The following ABCA13 variants were observed in gnomAD, a reference collection of about 807,000 sequenced individuals.
The protein encoded by ABCA13 is ATP binding cassette subfamily A member 13.
In ABCA13, 476 loss-of-function variants were observed where a neutral mutation model predicts 478.7. That is an observed-to-expected ratio of 0.99 (90% CI 0.92 to 1.07). The LOEUF is 1.07. Ranked by LOEUF, ABCA13 falls within the 50% of genes least tolerant of loss-of-function variation. ABCA13 has a pLI of 0.00. For synonymous variants in ABCA13, 2,252 were observed against 2,158.9 expected (o/e 1.04, Z -1.20); for missense variants, 6,060 against 5,910.6 (o/e 1.03, Z -0.83).
In ABCA13 at chr7:48,240,861, T is replaced by C; in HGVS notation, c.1063-6T>C. 1 of 1,500,136 alleles carries C rather than the reference T, an allele frequency of 6.7e-7. No individual in the cohort carries two copies. Among genetic ancestry groups the C allele is most frequent in the Non-Finnish European group, 8.9e-7 (1 of 1,122,824 alleles). 92.9% of individuals were successfully genotyped at this position (1,500,136 alleles called of 1,614,324 possible). ...AATGCTAGTATTTTGGTTTCCGAATTTGTAGGTGTTTGTTCAGTGGCAACA... is the reference window on the plus strand; with the variant it reads ...AATGCTAGTATTTTGGTTTCCGAATCTGTAGGTGTTTGTTCAGTGGCAACA... On this transcript the variant is annotated splice_polypyrimidine_tract_variant and splice_region_variant and intron_variant, in intron 9 of 61. Transcript: ENST00000435803.
At chr7:48,614,770 T>C (rs1792382994) in intron 58 of ABCA13, among the ~76,000 whole-genome samples, 1 of 149,202 alleles carries the variant, frequency 6.7e-6, no homozygotes, top group Admixed American at 6.9e-5. Flanking sequence ...TCATTCTGAG[T>C]AAACTATCGC....
At position 48,241,072 on chromosome 7, in the gene ABCA13, T is replaced by A. The variant is rs1790759762; in HGVS notation, c.1262+6T>A. ...AATCATACATTTCCAAAGATGTAAG[T>A]CGCATTTCCCTGTTTGATTATTGAT... On this transcript the variant is annotated splice_donor_region_variant and intron_variant, in intron 10 of 61. Coordinates refer to ENST00000435803, the MANE Select transcript of ABCA13 (RefSeq NM_152701.5). 2 of 1,613,770 alleles carry A rather than the reference T, an allele frequency of 1.2e-6. No homozygotes were observed.
intron 31 of ABCA13, among the ~76,000 whole-genome samples, chr7:48,355,933 G>A (rs749750680): frequency 6.6e-6 from 1 of 151,836 alleles, no homozygotes; most frequent in Non-Finnish European, 1.5e-5. Context: ...TAATTTAGGA[G>A]TCTCCCCGAT....
intron 59 of ABCA13, among the ~76,000 whole-genome samples, chr7:48,619,136 G>T (rs1244060661): frequency 6.6e-6 from 1 of 152,146 alleles, no homozygotes; most frequent in Non-Finnish European, 1.5e-5. Context: ...CTCTTCCTTG[G>T]TACAGACTTT....
intron 45 of ABCA13, among the ~76,000 whole-genome samples, chr7:48,477,338 C>T (rs1393901124): frequency 2.6e-5 from 4 of 152,076 alleles, no homozygotes; most frequent in Non-Finnish European, 4.4e-5. Context: ...ATGGCGATTC[C>T]TCAGGGATCT....
At chr7:48,312,917 T>A in intron 24 of ABCA13, 150 bp from the exon 25 acceptor site, 1 of 708,674 alleles carries the variant, frequency 1.4e-6, no homozygotes. Context: ...CTAATGAAGA[T>A]AACTTTCATA....
At chr7:48,423,038 T>C (rs1461250443) in intron 41 of ABCA13, among the ~76,000 whole-genome samples, 1 of 152,208 alleles carries the variant, frequency 6.6e-6, no homozygotes. Context: ...CTAAATACAT[T>C]GTCTTAAGCC....
chr7:48,232,139 A>AT lies in ABCA13; in HGVS notation c.764-1854dup, dbSNP rs71006559. ...CTCAGCACAGTGAGACCCACATGGAATTTTTTTTTTTTTTTTTTTTTTTTT... is the reference window on the plus strand; with the variant it reads ...CTCAGCACAGTGAGACCCACATGGAATTTTTTTTTTTTTTTTTTTTTTTTTT... On this transcript the variant is annotated intron_variant, in intron 7 of 61. Coordinates refer to ENST00000435803, the MANE Select transcript of ABCA13 (RefSeq NM_152701.5). Among the ~76,000 whole-genome samples, 155 of 51,304 alleles carry AT rather than the reference A, an allele frequency of 3.0e-3. 15 individuals carry two copies. Among genetic ancestry groups the AT allele is most frequent in the South Asian group, 7.2e-3 (9 of 1,242 alleles). 33.7% of individuals were successfully genotyped at this position (51,304 alleles called of 152,430 possible).
chr7:48,523,092 A>G (rs774917289), intron 53 of ABCA13, among the ~76,000 whole-genome samples: 2 of 152,216 alleles, frequency 1.3e-5, no homozygotes, highest in Non-Finnish European at 2.9e-5. Context: ...AACACTTCAG[A>G]TGGCCTCTCA....
chr7:48,510,931 C>T (rs149319423), intron 50 of ABCA13, among the ~76,000 whole-genome samples, 153 bp from the exon 51 acceptor site: 4 of 152,292 alleles, frequency 2.6e-5, no homozygotes, highest in African/African-American at 9.6e-5. Context: ...AAACAAGCGA[C>T]TTTCCAGGAC....
At chr7:48,601,725 TGG>T (rs2131483167) in intron 58 of ABCA13, among the ~76,000 whole-genome samples, 1 of 152,338 alleles carries the variant, frequency 6.6e-6, no homozygotes, top group East Asian at 1.9e-4. Flanking sequence ...TGTAATCCTT[TGG>T]GTATATACCC....
At chr7:48,621,770 T>C (rs1317650200) in intron 59 of ABCA13, among the ~76,000 whole-genome samples, 1 of 152,218 alleles carries the variant, frequency 6.6e-6, no homozygotes, top group African/African-American at 2.4e-5. Flanking sequence ...AAGAATCATG[T>C]CTATGGTTTA....
chr7:48,416,888 A>G (rs542714282), intron 41 of ABCA13, among the ~76,000 whole-genome samples: 1 of 149,986 alleles, frequency 6.7e-6, no homozygotes, highest in Non-Finnish European at 1.5e-5. Context: ...CAGTCCTTCC[A>G]TGCTCAGAAT....
intron 38 of ABCA13, among the ~76,000 whole-genome samples, chr7:48,396,601 C>T (rs903917001): frequency 6.6e-6 from 1 of 152,184 alleles, no homozygotes; most frequent in African/African-American, 2.4e-5. Flanking sequence ...ACAAAACCCA[C>T]TAGGCGGAGA....
Position 48,455,104 on chromosome 7 carries a change from C to G in ABCA13, c.12633C>G (p.Ile4211Met). Reference protein sequence around the residue: ...VQLLRAQVAAILARRLRRTLR... With the variant: ...VQLLRAQVAAMLARRLRRTLR... ...TGCTCCGCGCACAAGTGGCCGCGAT[C>G]CTGGCCCGGAGGCTCCGCCGCACGC... is the stretch of plus-strand genomic sequence containing the variant. Residue 4211 changes from isoleucine to methionine, a missense_variant, in exon 43 of 62, where the codon ATC (isoleucine) becomes ATG (methionine). Coordinates refer to ENST00000435803, the MANE Select transcript of ABCA13 (RefSeq NM_152701.5). 6.4e-7 allele frequency: 1 copy of G among 1,554,928 alleles called. No individual in the cohort carries two copies.
chr7:48,604,468 C>T (rs1241170374), intron 58 of ABCA13, among the ~76,000 whole-genome samples: 2 of 152,126 alleles, frequency 1.3e-5, no homozygotes, highest in African/African-American at 4.8e-5. Flanking sequence ...ATCTTTATTT[C>T]TGCCTTCATT....
intron 41 of ABCA13, among the ~76,000 whole-genome samples, chr7:48,426,910 C>T (rs1182761289): frequency 7.2e-6 from 1 of 139,660 alleles, no homozygotes; most frequent in Non-Finnish European, 1.5e-5. Flanking sequence ...GCAGCCAACA[C>T]TCTGCGTGGT....
chr7:48,550,128 G>C (rs1197361718), intron 55 of ABCA13, among the ~76,000 whole-genome samples: 1 of 151,808 alleles, frequency 6.6e-6, no homozygotes, highest in Non-Finnish European at 1.5e-5. Flanking sequence ...TAGTCATGAA[G>C]TCTTCATAGG....
intron 16 of ABCA13, among the ~76,000 whole-genome samples, chr7:48,270,035 A>T (rs185933710): frequency 1.3e-5 from 2 of 152,332 alleles, no homozygotes; most frequent in Admixed American, 1.3e-4. Flanking sequence ...CTATATGTGC[A>T]CAAGGACACA....
Sources: gnomAD v4.1 joint callset for allele counts (sites outside exome capture counted in the v4.1 genomes callset) on GRCh38, gnomAD v4.1.1 for gene constraint, MANE v1.5 for transcripts, NCBI Gene and HGNC (gene_info 2026-07-23, HGNC 2026-07-21) for gene names.